MGMT: variants seen among roughly 807,000 people sequenced by gnomAD.
MGMT encodes the protein methylated-DNA--protein-cysteine methyltransferase.
MGMT carries 14 observed loss-of-function variants against 15.9 expected under a neutral mutation model. The observed-to-expected ratio is 0.88, with a 90% CI of 0.58 to 1.37. The LOEUF (loss-of-function observed/expected upper bound fraction) is 1.37, where lower values mean the gene tolerates loss of function less well. Among genes scored for constraint, MGMT ranks in the 40% most tolerant of loss-of-function variants. The pLI is 0.00. For synonymous variants in MGMT, 130 were observed against 118.2 expected, an observed-to-expected ratio of 1.10 and a Z score of -0.65; for missense variants, 282 against 268.1, an observed-to-expected ratio of 1.05 and a Z score of -0.36.
chr10:129,624,227 G>A (rs1321249042), intron 2 of MGMT, among the ~76,000 whole-genome samples: 4 of 152,220 alleles, frequency 2.6e-5, no homozygotes, highest in Admixed American at 6.5e-5. Flanking sequence ...CAGGGTTTGT[G>A]CACCTCACTC....
chr10:129,601,808 G>A (rs889364321), intron 2 of MGMT, among the ~76,000 whole-genome samples: 10 of 152,184 alleles, frequency 6.6e-5, no homozygotes, highest in African/African-American at 2.4e-4. Context: ...GGGCGTGCAG[G>A]GCTTCTTGAC....
At chr10:129,614,325 A>G (rs575014982) in intron 2 of MGMT, among the ~76,000 whole-genome samples, 1 of 152,258 alleles carries the variant, frequency 6.6e-6, no homozygotes, top group African/African-American at 2.4e-5. Flanking sequence ...CGTTTCCCCC[A>G]CACCTGATCG....
chr10:129,680,550 T>C (rs11016869), intron 2 of MGMT, among the ~76,000 whole-genome samples: 6,932 of 107,550 alleles, frequency 0.064, 7 homozygotes, highest in African/African-American at 0.16. Flanking sequence ...CTGGCCCCCG[T>C]CTTATCCACC....
chr10:129,599,744 G>A (rs187465255), intron 2 of MGMT, among the ~76,000 whole-genome samples: 152 of 152,266 alleles, frequency 1.0e-3, no homozygotes, highest in African/African-American at 3.5e-3. Flanking sequence ...TTTACACAGG[G>A]TGTGCATATC....
At chr10:129,654,847 C>T (rs888588943) in intron 2 of MGMT, among the ~76,000 whole-genome samples, 12 of 152,112 alleles carry the variant, frequency 7.9e-5, no homozygotes, top group East Asian at 1.9e-4. Context: ...TGGAATGTGA[C>T]GGCACAAGCC....
intron 2 of MGMT, among the ~76,000 whole-genome samples, chr10:129,631,901 C>G (rs915211178): frequency 6.6e-6 from 1 of 152,166 alleles, no homozygotes; most frequent in Non-Finnish European, 1.5e-5. Flanking sequence ...ATCAGTCCTT[C>G]TAATTTCTTT....
At chr10:129,635,365 T>C (rs1847253390) in intron 2 of MGMT, among the ~76,000 whole-genome samples, 1 of 152,196 alleles carries the variant, frequency 6.6e-6, no homozygotes, top group Non-Finnish European at 1.5e-5. Context: ...ATCCCCTCAG[T>C]TTGGGAGCTG....
At chr10:129,606,118 A>C (rs1186030167) in intron 2 of MGMT, among the ~76,000 whole-genome samples, 1 of 152,194 alleles carries the variant, frequency 6.6e-6, no homozygotes, top group Non-Finnish European at 1.5e-5. Flanking sequence ...TGACATAAGT[A>C]ATGATGGCAT....
intron 2 of MGMT, among the ~76,000 whole-genome samples, chr10:129,698,440 A>G (rs1589943550): frequency 6.6e-6 from 1 of 152,214 alleles, no homozygotes; most frequent in Admixed American, 6.5e-5. Context: ...ACTCTGTGCA[A>G]GTTTTCAACA....
intron 1 of MGMT, among the ~76,000 whole-genome samples, chr10:129,495,276 A>C (rs546031462): frequency 6.6e-6 from 1 of 152,250 alleles, no homozygotes; most frequent in African/African-American, 2.4e-5. Context: ...AAGCAAAATA[A>C]ACGTAGTACC....
At position 129,619,490 on chromosome 10, in the gene MGMT, C is replaced by T. The variant is rs192071732; in HGVS notation, c.125+83113C>T. Among the ~76,000 whole-genome samples the T allele has an allele frequency of 9.3e-4, 141 of 152,134 alleles. 1 individual carries two copies. Among genetic ancestry groups the T allele is most frequent in the African/African-American group, 2.4e-3 (98 of 41,506 alleles). ...TTTTGTCTTTTTTAGGCTTTATTAT[C>T]GGGGTAATGCTGGCTTCATAAAATG... On this transcript the variant is annotated intron_variant, in intron 2 of 4. Transcript: ENST00000651593.
intron 2 of MGMT, among the ~76,000 whole-genome samples, chr10:129,623,407 G>T (rs762901650): frequency 1.7e-4 from 26 of 152,064 alleles, no homozygotes; most frequent in Admixed American, 3.9e-4. Flanking sequence ...GGAGTTGGGG[G>T]GATATGGCCA....
At chr10:129,549,489 G>A (rs1204940440) in intron 2 of MGMT, among the ~76,000 whole-genome samples, 3 of 152,268 alleles carry the variant, frequency 2.0e-5, no homozygotes, top group Non-Finnish European at 4.4e-5. Context: ...TAAAATATAA[G>A]CAATAAAATG....
At chr10:129,603,657 T>C (rs1846851297) in intron 2 of MGMT, among the ~76,000 whole-genome samples, 1 of 152,242 alleles carries the variant, frequency 6.6e-6, no homozygotes, top group South Asian at 2.1e-4. Flanking sequence ...AAAATTGTAA[T>C]TAAAGTTTCT....
rs945224 is a variant in MGMT, at chr10:129,533,283, C to A, written c.-12-2958C>A. Among the ~76,000 whole-genome samples the A allele has an allele frequency of 1.3e-5, 2 of 152,224 alleles. No individual in the cohort carries two copies. Among genetic ancestry groups the A allele is most frequent in the African/African-American group, 2.4e-5 (1 of 41,444 alleles). On this transcript the variant is annotated intron_variant, in intron 1 of 4. Transcript: ENST00000651593. The surrounding 1 kb of genome is among the most constrained non-coding windows in gnomAD (Gnocchi z 4.5). ...AGTTGTGGAGTAGCCTTTCAGTAAA[C>A]GGCATTTGTGCTTAAATTAGCCCGT...
At chr10:129,472,900 T>C (rs1659603100) in intron 1 of MGMT, among the ~76,000 whole-genome samples, 2 of 152,224 alleles carry the variant, frequency 1.3e-5, no homozygotes, top group African/African-American at 4.8e-5. Context: ...GAAGTCCTTT[T>C]GTCTGTAAAG....
intron 3 of MGMT, among the ~76,000 whole-genome samples, chr10:129,755,689 C>T (rs75367208): frequency 0.086 from 13,089 of 152,308 alleles, 806 homozygotes; most frequent in Non-Finnish European, 0.13. Context: ...CAGTGCTTGT[C>T]GGAGCCCTGA....
intron 2 of MGMT, among the ~76,000 whole-genome samples, chr10:129,682,341 C>T (rs115706056): frequency 4.0e-4 from 61 of 152,038 alleles, no homozygotes; most frequent in African/African-American, 1.3e-3. Flanking sequence ...TATTGATACA[C>T]GGTACAATTT....
chr10:129,697,282 T>C (rs1379017963), intron 2 of MGMT, among the ~76,000 whole-genome samples: 1 of 152,200 alleles, frequency 6.6e-6, no homozygotes, highest in East Asian at 1.9e-4. Context: ...CTATGTAGAA[T>C]ATATGCCATC....
Sources: allele counts gnomAD v4.1 joint callset (sites outside exome capture counted in the v4.1 genomes callset), GRCh38; gene constraint gnomAD v4.1.1; non-coding constraint Gnocchi (gnomAD v3.1); transcripts MANE v1.5; gene names NCBI Gene and HGNC (gene_info 2026-07-23, HGNC 2026-07-21).